The following SLC22A23 variants were observed in gnomAD, a reference collection of about 807,000 sequenced individuals.
SLC22A23 encodes solute carrier family 22 member 23, also known as ion transporter protein.
SLC22A23 carries 26 observed loss-of-function variants against 61.0 expected under a neutral mutation model. That is an observed-to-expected ratio of 0.43 (90% CI 0.31 to 0.59). The LOEUF (loss-of-function observed/expected upper bound fraction) is 0.59. SLC22A23 is among the 20% of genes least tolerant of loss of function. The pLI is 0.11. For synonymous variants in SLC22A23, 430 were observed against 413.9 expected (o/e 1.04, Z -0.47); for missense variants, 796 against 934.7 (o/e 0.85, Z 1.94).
At position 3,269,322 on chromosome 6, in the gene SLC22A23, C is replaced by T. The variant is rs1482837234; in HGVS notation, c.*3733G>A. 6.6e-6 allele frequency: 1 copy of T among 152,322 alleles called. No individual in the cohort carries two copies. Among genetic ancestry groups the T allele is most frequent in the Non-Finnish European group, 1.5e-5 (1 of 68,054 alleles). 9.4% of individuals were successfully genotyped at this position (152,322 alleles called of 1,614,324 possible). On this transcript the variant is annotated 3_prime_UTR_variant, in exon 10 of 10. Coordinates refer to ENST00000406686, the MANE Select transcript of SLC22A23 (RefSeq NM_015482.2). Reference sequence around the variant, plus strand: ...CACCTCGGGGCGAGTGAAGACACAGCTTACAGAGGCGTTCAAAGTAGTGAC... The same window carrying T: ...CACCTCGGGGCGAGTGAAGACACAGTTTACAGAGGCGTTCAAAGTAGTGAC...
chr6:3,427,543 G>A lies in SLC22A23; in HGVS notation c.655-11688C>T, dbSNP rs1164882756. Among the ~76,000 whole-genome samples the A allele has an allele frequency of 6.6e-6, 1 of 152,098 alleles. No individual in the cohort carries two copies. The highest frequency in any genetic ancestry group is 1.9e-4 in the East Asian group (1 of 5,178). On this transcript the variant is annotated intron_variant, in intron 1 of 9. Transcript: ENST00000406686. This position sits in a 1 kb window ranked among gnomAD's most constrained non-coding sequence, Gnocchi z 4.3. ...AGGGAGCAGCTGTGTTCATAGCTGGGAGATGCTGAAGGAGGAGCAGGTCCA... is the reference window on the plus strand; with the variant it reads ...AGGGAGCAGCTGTGTTCATAGCTGGAAGATGCTGAAGGAGGAGCAGGTCCA...
At position 3,330,322 on chromosome 6, in the gene SLC22A23, G is replaced by A. The variant is rs1209871811; in HGVS notation, c.914-6320C>T. Among the ~76,000 whole-genome samples, 1 of 152,204 alleles carries A rather than the reference G, an allele frequency of 6.6e-6. No homozygotes were observed. ...CTTCCACCAACCTGGTTCAGGCTTG[G>A]CCCTAAGCTGCTGACACCCACCTGG... On this transcript the variant is annotated intron_variant, in intron 3 of 9. Coordinates refer to ENST00000406686, the MANE Select transcript of SLC22A23 (RefSeq NM_015482.2). The surrounding 1 kb of genome is among the most constrained non-coding windows in gnomAD (Gnocchi z 4.7).
rs534406306 is a variant in SLC22A23, at chr6:3,329,998, C to T, written c.914-5996G>A. Among the ~76,000 whole-genome samples, 2 of 152,342 alleles carry T rather than the reference C, an allele frequency of 1.3e-5. No homozygotes were observed. The highest frequency in any genetic ancestry group is 2.1e-4 in the South Asian group (1 of 4,826). On this transcript the variant is annotated intron_variant, in intron 3 of 9. Coordinates refer to ENST00000406686, the MANE Select transcript of SLC22A23 (RefSeq NM_015482.2). The surrounding 1 kb of genome is among the most constrained non-coding windows in gnomAD (Gnocchi z 4.8). ...TTCCAGAGGCCACTGCTGAACGGCC[C>T]GGCCATCCTCTCCCAAGGGGAAGCC...
chr6:3,353,382 T>C (rs1468651031), intron 3 of SLC22A23, among the ~76,000 whole-genome samples: 1 of 152,218 alleles, frequency 6.6e-6, no homozygotes, highest in Admixed American at 6.5e-5. Context: ...CTTGCCCTCT[T>C]CTACAGCATT....
At chr6:3,340,639 C>G (rs1217569520) in intron 3 of SLC22A23, among the ~76,000 whole-genome samples, 3 of 152,020 alleles carry the variant, frequency 2.0e-5, no homozygotes, top group Admixed American at 2.0e-4. Flanking sequence ...TTTCAAGGTC[C>G]CATGTGAAAA....
At chr6:3,373,635 A>G (rs1464371862) in intron 3 of SLC22A23, among the ~76,000 whole-genome samples, 1 of 152,030 alleles carries the variant, frequency 6.6e-6, no homozygotes, top group Non-Finnish European at 1.5e-5. Flanking sequence ...GAAGAAGAAG[A>G]AAAAAAAGAA....
At position 3,304,814 on chromosome 6, in the gene SLC22A23, G is replaced by A. The variant is rs955785233; in HGVS notation, c.1083-6596C>T. Among the ~76,000 whole-genome samples the A allele has an allele frequency of 4.6e-5, 7 of 152,116 alleles. No homozygotes were observed. Among genetic ancestry groups the A allele is most frequent in the East Asian group, 3.9e-4 (2 of 5,192 alleles). ...GAGGTAAGGCATGGGGTTGTGGGAC[G>A]GTGCATTTGTTGTGTTCAGAGAGCT... On this transcript the variant is annotated intron_variant, in intron 4 of 9. Transcript: ENST00000406686. This position sits in a 1 kb window ranked among gnomAD's most constrained non-coding sequence, Gnocchi z 4.3.
In SLC22A23 at chr6:3,286,945, A is replaced by C; in HGVS notation, c.1460T>G (p.Val487Gly). 1.2e-6 allele frequency: 2 copies of C among 1,614,038 alleles called. No individual in the cohort carries two copies. The highest frequency in any genetic ancestry group is 1.6e-4 in the Middle Eastern group (1 of 6,062). Residue 487 changes from valine (V) to glycine (G), a missense_variant, in exon 7 of 10, where the codon GTC becomes GGC. Val to Gly is a moderately radical substitution (Grantham distance 109). Coordinates refer to ENST00000406686, the MANE Select transcript of SLC22A23 (RefSeq NM_015482.2). The surrounding 1 kb of genome is among the most constrained non-coding windows in gnomAD (Gnocchi z 4.2). ...LVSCLAMCVVVRFLGRRGGLL... is the reference protein window; with the variant it reads ...LVSCLAMCVVGRFLGRRGGLL... The stretch of plus-strand genomic sequence containing the variant: ...CCCTCCCCTGCGCCCGAGGAATCGG[A>C]CCACCACGCACATGGCCAGGCAGGA...
At chr6:3,426,663 C>T (rs2127535537) in intron 1 of SLC22A23, among the ~76,000 whole-genome samples, 1 of 152,172 alleles carries the variant, frequency 6.6e-6, no homozygotes, top group South Asian at 2.1e-4. Flanking sequence ...CTTTTTCTTT[C>T]TTTCTCTTTT....
At chr6:3,422,853 T>C (rs945310995) in intron 1 of SLC22A23, among the ~76,000 whole-genome samples, 1 of 152,134 alleles carries the variant, frequency 6.6e-6, no homozygotes, top group African/African-American at 2.4e-5. Context: ...AAAAATAGAT[T>C]GCAAACCCTT....
chr6:3,444,831 A>G (rs1317052656), intron 1 of SLC22A23: 1 of 985,486 alleles, frequency 1.0e-6, no homozygotes, highest in African/African-American at 1.7e-5. Flanking sequence ...GGCTCCGAAC[A>G]TCATCGGTTT....
chr6:3,277,507 C>T (rs554780249), intron 9 of SLC22A23, among the ~76,000 whole-genome samples: 5 of 152,228 alleles, frequency 3.3e-5, no homozygotes, highest in Non-Finnish European at 7.3e-5. Flanking sequence ...CTGGGAATCC[C>T]GTCCCAGCCA....
intron 3 of SLC22A23, among the ~76,000 whole-genome samples, chr6:3,409,174 T>C (rs1769036758): frequency 6.6e-6 from 1 of 152,250 alleles, no homozygotes; most frequent in South Asian, 2.1e-4. Flanking sequence ...GCAAGTAAAC[T>C]GGAAAAGGTG....
At position 3,328,689 on chromosome 6, in the gene SLC22A23, G is replaced by A. The variant is rs1763414301; in HGVS notation, c.914-4687C>T. Reference sequence around the variant, plus strand: ...GCCCGCCCCCATGCCCTGGAGTCCTGATGGCTGGCCCTCCCGCTGGCCCCT... The same window carrying A: ...GCCCGCCCCCATGCCCTGGAGTCCTAATGGCTGGCCCTCCCGCTGGCCCCT... On this transcript the variant is annotated intron_variant, in intron 3 of 9. Coordinates refer to ENST00000406686, the MANE Select transcript of SLC22A23 (RefSeq NM_015482.2). The surrounding 1 kb of genome is among the most constrained non-coding windows in gnomAD (Gnocchi z 5.0). Among the ~76,000 whole-genome samples the A allele has an allele frequency of 2.0e-5, 3 of 152,160 alleles. No individual in the cohort carries two copies.
intron 1 of SLC22A23, among the ~76,000 whole-genome samples, chr6:3,417,837 G>A (rs1461490658): frequency 1.3e-5 from 2 of 152,250 alleles, no homozygotes; most frequent in African/African-American, 4.8e-5. Context: ...GGCTGCTGCT[G>A]CTCTGCTCTG....
At chr6:3,432,978 T>C (rs551689271) in intron 1 of SLC22A23, among the ~76,000 whole-genome samples, 17 of 152,368 alleles carry the variant, frequency 1.1e-4, no homozygotes, top group Non-Finnish European at 1.6e-4. Context: ...CTTGAAACCC[T>C]ACAAGCTGGG....
chr6:3,354,834 C>T (rs965594980), intron 3 of SLC22A23, among the ~76,000 whole-genome samples: 1 of 152,208 alleles, frequency 6.6e-6, no homozygotes, highest in African/African-American at 2.4e-5. Flanking sequence ...TCAACATCAT[C>T]TTCTTCAACT....
At position 3,452,599 on chromosome 6, in the gene SLC22A23, TAAAAAAAAAAAAAAAAAAAAAAAAAA is replaced by T. The variant is rs570923626; in HGVS notation, c.654+3281_654+3306del. Among the ~76,000 whole-genome samples the T allele has an allele frequency of 2.0e-4, 8 of 40,560 alleles. 1 individual carries two copies. In the South Asian group the frequency reaches 6.7e-3, roughly 34 times the overall value. 26.6% of individuals were successfully genotyped at this position (40,560 alleles called of 152,430 possible). A position where few individuals can be genotyped will look rare whatever the true frequency, so the allele number is the denominator to read the frequency against. ...CTGGGCAACAGAGCCAGACGCTGTC[TAAAAAAAAAAAAAAAAAAAAAAAAAA>T]AAAAAAAAAAAAAGCCTAGAGACTG... On this transcript the variant is annotated intron_variant, in intron 1 of 9. Transcript: ENST00000406686.
At chr6:3,419,121 T>A (rs1465510439) in intron 1 of SLC22A23, among the ~76,000 whole-genome samples, 4 of 152,148 alleles carry the variant, frequency 2.6e-5, no homozygotes, top group African/African-American at 9.7e-5. Context: ...ATTAAAGAAA[T>A]ATATAACAGG....
Sources: gnomAD v4.1 joint callset for allele counts (sites outside exome capture counted in the v4.1 genomes callset) on GRCh38, gnomAD v4.1.1 for gene constraint, Gnocchi (gnomAD v3.1) non-coding constraint, MANE v1.5 for transcripts, NCBI Gene and HGNC (gene_info 2026-07-23, HGNC 2026-07-21) for gene names.